The following UGT1A10 variants were observed in gnomAD, a reference collection of about 807,000 sequenced individuals.
UGT1A10 encodes UDP-glucuronosyltransferase 1A10.
In UGT1A10, 49 loss-of-function variants were observed where a neutral mutation model predicts 45.8. That is an observed-to-expected ratio of 1.07 (90% CI 0.85 to 1.36). UGT1A10 has a LOEUF of 1.36. UGT1A10 is among the 40% of genes most tolerant of loss of function. The pLI is 0.00. For synonymous variants in UGT1A10, 284 were observed against 249.7 expected, an observed-to-expected ratio of 1.14 and a Z score of -1.29; for missense variants, 745 against 668.6, an observed-to-expected ratio of 1.11 and a Z score of -1.26.
In UGT1A10 at chr2:233,725,264, G is replaced by GGCAGAGGCAGAGGCAGAGGCA. The variant is rs1216362118; in HGVS notation, c.856-41769_856-41768insCAGAGGCAGAGGCAGAGGCAG. On this transcript the variant is annotated intron_variant, in intron 1 of 4. Coordinates refer to ENST00000344644, the MANE Select transcript of UGT1A10 (RefSeq NM_019075.4). Reference sequence around the variant, plus strand: ...CAGAGGCAGAGGAGGCAGAGGCAGAGGAGGCAGAGGCAGAGGCAGAGGCAG... The same window carrying GGCAGAGGCAGAGGCAGAGGCA: ...CAGAGGCAGAGGAGGCAGAGGCAGAGGCAGAGGCAGAGGCAGAGGCAGAGGCAGAGGCAGAGGCAGAGGCAG... Among the ~76,000 whole-genome samples, 2 of 58,548 alleles carry GGCAGAGGCAGAGGCAGAGGCA rather than the reference G, an allele frequency of 3.4e-5. 1 individual carries two copies. Among genetic ancestry groups the GGCAGAGGCAGAGGCAGAGGCA allele is most frequent in the African/African-American group, 2.6e-4 (2 of 7,634 alleles). 38.4% of individuals were successfully genotyped at this position (58,548 alleles called of 152,430 possible). A position where few individuals can be genotyped will look rare whatever the true frequency, so the allele number is the denominator to read the frequency against.
Position 233,675,445 on chromosome 2 carries a change from T to G in UGT1A10, c.855+38068T>G, listed in dbSNP as rs1479955710. ...ATGACTGGTTTTAGGTGAAAAGAAT[T>G]CAGGCTTTGTCTATACCATCCATGG... On this transcript the variant is annotated intron_variant, in intron 1 of 4. Coordinates refer to ENST00000344644, the MANE Select transcript of UGT1A10 (RefSeq NM_019075.4). Among the ~76,000 whole-genome samples, 3 of 152,288 alleles carry G rather than the reference T, an allele frequency of 2.0e-5. No individual in the cohort carries two copies. The East Asian group carries it at 5.8e-4, about 29-fold the overall frequency.
At chr2:233,734,584 T>C (rs1211494079) in intron 1 of UGT1A10, among the ~76,000 whole-genome samples, 1 of 152,216 alleles carries the variant, frequency 6.6e-6, no homozygotes, top group East Asian at 1.9e-4. Flanking sequence ...CTTGCTTATC[T>C]AGTTCTTTTA....
intron 1 of UGT1A10, among the ~76,000 whole-genome samples, chr2:233,714,209 C>A (rs1186715903): frequency 6.6e-6 from 1 of 152,132 alleles, no homozygotes; most frequent in Non-Finnish European, 1.5e-5. Flanking sequence ...ACTGATCCAT[C>A]CAATCTTGCT....
At chr2:233,664,980 A>G (rs926778372) in intron 1 of UGT1A10, among the ~76,000 whole-genome samples, 1 of 152,242 alleles carries the variant, frequency 6.6e-6, no homozygotes, top group Non-Finnish European at 1.5e-5. Flanking sequence ...GTGAGAAATG[A>G]AACTTCCCTT....
At chr2:233,693,579 T>C (rs1240485987) in intron 1 of UGT1A10, 2 of 1,614,224 alleles carry the variant, frequency 1.2e-6, no homozygotes. Context: ...GTGTCCTACA[T>C]TCCCAGGTGC....
intron 1 of UGT1A10, among the ~76,000 whole-genome samples, chr2:233,663,956 A>G (rs1306772194): frequency 6.6e-6 from 1 of 152,182 alleles, no homozygotes; most frequent in Admixed American, 6.5e-5. Flanking sequence ...TTGTCCTTGC[A>G]TCTAAGTGTA....
chr2:233,768,549 A>C, intron 4 of UGT1A10, 110 bp downstream of exon 4: 1 of 1,483,956 alleles, frequency 6.7e-7, no homozygotes, highest in Non-Finnish European at 8.9e-7. Flanking sequence ...AAATATAAAA[A>C]CAAATACATA....
chr2:233,706,633 ACT>A (rs2075917088), intron 1 of UGT1A10, among the ~76,000 whole-genome samples: 1 of 152,298 alleles, frequency 6.6e-6, no homozygotes, highest in East Asian at 1.9e-4. Context: ...GAGTGTTTCT[ACT>A]GTGTCTGTGC....
rs570583688 is a variant in UGT1A10, at chr2:233,636,862, A to G, written c.340A>G (p.Ser114Gly). The G allele has an allele frequency of 6.2e-7, 1 of 1,614,074 alleles. No homozygotes were observed. The highest frequency in any genetic ancestry group is 1.3e-5 in the African/African-American group (1 of 74,934). Residue 114 changes from serine to glycine, a missense_variant, in exon 1 of 5, where the codon AGT becomes GGT. Transcript: ENST00000344644. ...ATTTTCTCTATTAATGAGTTCATCCAGTGGTTTTCTTGACTTATTTTTTTC... is the reference window on the plus strand; with the variant it reads ...ATTTTCTCTATTAATGAGTTCATCCGGTGGTTTTCTTGACTTATTTTTTTC... ...SIFSLLMSSSSGFLDLFFSHC... is the reference protein window; with the variant it reads ...SIFSLLMSSSGGFLDLFFSHC...
At chr2:233,718,068 T>A in intron 1 of UGT1A10, 1 of 348,348 alleles carries the variant, frequency 2.9e-6, no homozygotes, top group Admixed American at 3.7e-5. Flanking sequence ...CGTGGGTCCT[T>A]GCTAGGGTTG....
chr2:233,672,821 T>C (rs775621184), intron 1 of UGT1A10: 18 of 1,577,184 alleles, frequency 1.1e-5, no homozygotes, highest in Non-Finnish European at 8.6e-6. Flanking sequence ...ACCTTAAGAA[T>C]ACTTCACCTT....
chr2:233,752,046 G>A (rs1694879405), intron 1 of UGT1A10, among the ~76,000 whole-genome samples: 1 of 152,240 alleles, frequency 6.6e-6, no homozygotes, highest in African/African-American at 2.4e-5. Flanking sequence ...AAGCTGTTGT[G>A]TGAATGATTT....
rs76915905 is a variant in UGT1A10, at chr2:233,721,524, C to T, written c.856-45510C>T. The T allele has an allele frequency of 8.1e-3, 1,365 of 167,890 alleles. 11 individuals carry two copies. The highest frequency in any genetic ancestry group is 0.011 in the Non-Finnish European group (835 of 78,422). 10.4% of individuals were successfully genotyped at this position (167,890 alleles called of 1,614,324 possible). A position where few individuals can be genotyped will look rare whatever the true frequency, so the allele number is the denominator to read the frequency against. ...GCATTTATTTTATGCTGAATTTCTT[C>T]CAGAGCCATAGGTAAATTTTTTCTT... On this transcript the variant is annotated intron_variant, in intron 1 of 4. Coordinates refer to ENST00000344644, the MANE Select transcript of UGT1A10 (RefSeq NM_019075.4).
rs982701951 is a variant in UGT1A10, at chr2:233,670,084, G to A, written c.855+32707G>A. ...GAAACAGTTGCTTAACACATATTTGGCATGTTATATGTGTTATATACTGTA... is the reference window on the plus strand; with the variant it reads ...GAAACAGTTGCTTAACACATATTTGACATGTTATATGTGTTATATACTGTA... On this transcript the variant is annotated intron_variant, in intron 1 of 4. Coordinates refer to ENST00000344644, the MANE Select transcript of UGT1A10 (RefSeq NM_019075.4). 2.6e-4 allele frequency among the ~76,000 whole-genome samples: 39 copies of A among 152,158 alleles called. 1 individual carries two copies. Among genetic ancestry groups the A allele is most frequent in the Non-Finnish European group, 4.7e-4 (32 of 68,028 alleles).
Position 233,687,349 on chromosome 2 carries a change from A to G in UGT1A10, c.855+49972A>G, listed in dbSNP as rs1338618580. On this transcript the variant is annotated intron_variant, in intron 1 of 4. Transcript: ENST00000344644. ...TTCCCTTGAATGATTTAAACTTCAGATGGGTGGACTGTCTCCTTAGGGAGA... is the reference window on the plus strand; with the variant it reads ...TTCCCTTGAATGATTTAAACTTCAGGTGGGTGGACTGTCTCCTTAGGGAGA... Among the ~76,000 whole-genome samples the G allele has an allele frequency of 2.0e-5, 3 of 152,174 alleles. 1 individual carries two copies. Among genetic ancestry groups the G allele is most frequent in the Non-Finnish European group, 4.4e-5 (3 of 68,028 alleles).
intron 1 of UGT1A10, among the ~76,000 whole-genome samples, chr2:233,655,368 G>C (rs951264342): frequency 6.6e-6 from 1 of 152,158 alleles, no homozygotes; most frequent in African/African-American, 2.4e-5. Flanking sequence ...CGTCCTGGGA[G>C]ACTCTTCATT....
Position 233,690,202 on chromosome 2 carries a change from T to A in UGT1A10, c.855+52825T>A, listed in dbSNP as rs377693570. Among the ~76,000 whole-genome samples the A allele has an allele frequency of 3.9e-5, 6 of 152,242 alleles. No homozygotes were observed. The South Asian group carries it at 8.3e-4, about 21-fold the overall frequency. On this transcript the variant is annotated intron_variant, in intron 1 of 4. Transcript: ENST00000344644. ...GCCATTTCATAAAATATTCATAAAT[T>A]CAATGTTTGCCATTTTAGTATTCTA... is the stretch of plus-strand genomic sequence containing the variant.
intron 1 of UGT1A10, among the ~76,000 whole-genome samples, chr2:233,665,985 G>A (rs912946536): frequency 2.0e-5 from 3 of 152,146 alleles, no homozygotes; most frequent in Non-Finnish European, 4.4e-5. Flanking sequence ...GAATACCTGA[G>A]GTTGGTTAAT....
chr2:233,707,137 G>A (rs574638671), intron 1 of UGT1A10, among the ~76,000 whole-genome samples: 22 of 152,242 alleles, frequency 1.4e-4, no homozygotes, highest in East Asian at 9.7e-4. Flanking sequence ...TTTCTATCCC[G>A]GAGGTCACTG....
Sources: gnomAD v4.1 joint callset for allele counts (sites outside exome capture counted in the v4.1 genomes callset) on GRCh38, gnomAD v4.1.1 for gene constraint, MANE v1.5 for transcripts, NCBI Gene and HGNC (gene_info 2026-07-23, HGNC 2026-07-21) for gene names.